Variants in ADCY3 observed in about 807,000 individuals in gnomAD.
ADCY3 encodes the protein adenylate cyclase type 3.
Under a neutral mutation model 119.4 loss-of-function variants are expected in ADCY3, and 70 were observed. That is an observed-to-expected ratio of 0.59 (90% CI 0.48 to 0.72). ADCY3 has a LOEUF of 0.72. Among genes scored for constraint, ADCY3 ranks in the 30% least tolerant of loss-of-function variants. ADCY3 has a pLI of 0.00. For missense variants in ADCY3, 1,238 were observed against 1,541.6 expected (o/e 0.80, Z 3.30); for synonymous variants, 672 against 621.4 (o/e 1.08, Z -1.21).
chr2:24,825,932 G>A (rs1358169792), intron 16 of ADCY3, 113 bp downstream of exon 16: 1 of 997,998 alleles, frequency 1.0e-6, no homozygotes, highest in Admixed American at 2.2e-5. Context: ...TGTGGGGCTG[G>A]GTGAAGGGAA....
chr2:24,853,325 G>A (rs1430102219), intron 3 of ADCY3, among the ~76,000 whole-genome samples: 2 of 152,150 alleles, frequency 1.3e-5, no homozygotes, highest in Non-Finnish European at 2.9e-5. Context: ...GCTGCCGCAG[G>A]GGAAGGTGCA....
At chr2:24,853,006 GTGTGT>G (rs1672531886) in intron 3 of ADCY3, among the ~76,000 whole-genome samples, 1 of 85,446 alleles carries the variant, frequency 1.2e-5, no homozygotes, top group South Asian at 3.7e-4. Context: ...CAGCTGGAGG[GTGTGT>G]GTGTGTGTGT....
Position 24,918,703 on chromosome 2 carries a change from C to A in ADCY3, c.285G>T (p.Met95Ile). 6.2e-7 allele frequency: 1 copy of A among 1,614,108 alleles called. No individual in the cohort carries two copies. ...AALFDCYVVV[M>I]CAVVFSSDKL... ...TGTCGCTGGAGAAGACCACAGCACA[C>A]ATGACCACCACGTAGCAGTCAAAGA... The change falls in exon 2 of 22, where the codon ATG becomes ATT. Residue 95 changes from methionine (M) to isoleucine (I), a missense_variant. Coordinates refer to ENST00000679454, the MANE Select transcript of ADCY3 (RefSeq NM_004036.5). The surrounding 1 kb of genome is among the most constrained non-coding windows in gnomAD (Gnocchi z 5.4).
intron 9 of ADCY3, among the ~76,000 whole-genome samples, 154 bp from the exon 10 acceptor site, chr2:24,835,090 C>G (rs1318396219): frequency 6.6e-6 from 1 of 152,182 alleles, no homozygotes; most frequent in Non-Finnish European, 1.5e-5. Context: ...GGAAGTCTTC[C>G]CCATGCTCCC....
intron 2 of ADCY3, among the ~76,000 whole-genome samples, chr2:24,916,498 A>G (rs55893453): frequency 0.22 from 33,771 of 152,224 alleles, 4,167 homozygotes; most frequent in African/African-American, 0.32. Context: ...CCTGGCCAAC[A>G]TGGTGAAACC....
intron 2 of ADCY3, among the ~76,000 whole-genome samples, chr2:24,884,425 C>A (rs865845400): frequency 2.2e-4 from 33 of 151,942 alleles, no homozygotes; most frequent in African/African-American, 8.0e-4. Flanking sequence ...CTATGCCTAT[C>A]CCCTATTTTT....
At chr2:24,865,691 G>C (rs532540425) in intron 3 of ADCY3, among the ~76,000 whole-genome samples, 2 of 151,964 alleles carry the variant, frequency 1.3e-5, no homozygotes, top group African/African-American at 4.8e-5. Flanking sequence ...ACATGTATAC[G>C]TTTGCTATAG....
At chr2:24,866,576 A>AG (rs1219846000) in intron 3 of ADCY3, among the ~76,000 whole-genome samples, 4 of 150,466 alleles carry the variant, frequency 2.7e-5, no homozygotes, top group Admixed American at 1.3e-4. Context: ...AAAAAAAAAA[A>AG]AAAAAAAAAG....
At position 24,918,827 on chromosome 2, in the gene ADCY3, C is replaced by A. The variant is rs75999515; in HGVS notation, c.161G>T (p.Arg54Leu). ...GSCLCLPRFMRLTFVPESLEN... is the reference protein window; with the variant it reads ...GSCLCLPRFMLLTFVPESLEN... ...CAAGGACTCCGGCACGAAAGTCAGCCGCATGAAGCGAGGCAGGCACAGGCA... is the reference window on the plus strand; with the variant it reads ...CAAGGACTCCGGCACGAAAGTCAGCAGCATGAAGCGAGGCAGGCACAGGCA... Residue 54 changes from arginine (R) to leucine (L), a missense_variant, in exon 2 of 22, where the codon CGG becomes CTG. Coordinates refer to ENST00000679454, the MANE Select transcript of ADCY3 (RefSeq NM_004036.5). This position sits in a 1 kb window ranked among gnomAD's most constrained non-coding sequence, Gnocchi z 5.4. 1 of 1,613,656 alleles carries A rather than the reference C, an allele frequency of 6.2e-7. No homozygotes were observed. Among genetic ancestry groups the A allele is most frequent in the East Asian group, 2.2e-5 (1 of 44,874 alleles).
At chr2:24,858,793 T>C (rs1278518546) in intron 3 of ADCY3, among the ~76,000 whole-genome samples, 1 of 152,234 alleles carries the variant, frequency 6.6e-6, no homozygotes, top group Non-Finnish European at 1.5e-5. Context: ...ACACAGCCCA[T>C]GCATGGGCCG....
In ADCY3 at chr2:24,834,414, C is replaced by T; in HGVS notation, c.1967+71G>A. ...CCAATGTCAGGCTCCCGCTGAGACA[C>T]CTGCCCCCGCCCCCCGCCCGGCACC... On this transcript the variant is annotated intron_variant, in intron 11 of 21. Transcript: ENST00000679454. The surrounding 1 kb of genome is among the most constrained non-coding windows in gnomAD (Gnocchi z 4.2). The T allele has an allele frequency of 1.0e-6, 1 of 1,003,484 alleles. No individual in the cohort carries two copies. Among genetic ancestry groups the T allele is most frequent in the Non-Finnish European group, 1.5e-6 (1 of 689,182 alleles). The allele number at this position is 1,003,484 out of a possible 1,614,324, so 62.2% of individuals were successfully genotyped here.
intron 3 of ADCY3, among the ~76,000 whole-genome samples, chr2:24,862,567 T>TA (rs879673951): frequency 2.0e-5 from 3 of 151,342 alleles, no homozygotes; most frequent in African/African-American, 4.9e-5. Flanking sequence ...ATTAATTAAT[T>TA]AAAAAAAATA....
At chr2:24,830,678 C>T (rs760549958) in intron 13 of ADCY3, 31 bp downstream of exon 13, 14 of 1,554,564 alleles carry the variant, frequency 9.0e-6, no homozygotes, top group Middle Eastern at 1.8e-4. Context: ...AGAACAGGGG[C>T]GTCCCTTCAA....
chr2:24,857,520 C>T (rs1468840908), intron 3 of ADCY3, among the ~76,000 whole-genome samples: 8 of 152,220 alleles, frequency 5.3e-5, no homozygotes, highest in Admixed American at 5.2e-4. Flanking sequence ...GTGGCTAGTG[C>T]TACTGAAAGA....
intron 2 of ADCY3, among the ~76,000 whole-genome samples, chr2:24,904,330 G>A (rs1679234685): frequency 6.6e-6 from 1 of 152,080 alleles, no homozygotes; most frequent in Non-Finnish European, 1.5e-5. Flanking sequence ...AGGAGTTTGA[G>A]GCCAGCCTGA....
intron 3 of ADCY3, among the ~76,000 whole-genome samples, chr2:24,853,005 G>GGT (rs58904311): frequency 0.012 from 1,147 of 95,268 alleles, 14 homozygotes; most frequent in Middle Eastern, 0.022. Flanking sequence ...ACAGCTGGAG[G>GGT]GTGTGTGTGT....
intron 2 of ADCY3, among the ~76,000 whole-genome samples, chr2:24,904,792 C>T (rs1679288294): frequency 6.6e-6 from 1 of 151,786 alleles, no homozygotes; most frequent in Non-Finnish European, 1.5e-5. Flanking sequence ...CAGGCATGCA[C>T]CACCACGTCC....
chr2:24,842,185 G>T lies in ADCY3; in HGVS notation c.956+69C>A. On this transcript the variant is annotated intron_variant, in intron 4 of 21. Transcript: ENST00000679454. The surrounding 1 kb of genome is among the most constrained non-coding windows in gnomAD (Gnocchi z 4.9). ...CCTCTTGAAGCCCACAGCACCTAGC[G>T]GGTCCCACAAAGATGCAGCCCTCCA... 1 of 1,603,654 alleles carries T rather than the reference G, an allele frequency of 6.2e-7. No individual in the cohort carries two copies. Among genetic ancestry groups the T allele is most frequent in the Non-Finnish European group, 8.5e-7 (1 of 1,176,068 alleles).
rs559903221 is a variant in ADCY3, at chr2:24,841,944, C to A, written c.957-277G>T. Among the ~76,000 whole-genome samples the A allele has an allele frequency of 2.0e-5, 3 of 152,336 alleles. No individual in the cohort carries two copies. In the South Asian group the frequency reaches 6.2e-4, roughly 32 times the overall value. Reference sequence around the variant, plus strand: ...TCCTGCCCAGGCTGAACTCATCCTTCTTCCTAGAATCACAGGTCAGGGCTC... The same window carrying A: ...TCCTGCCCAGGCTGAACTCATCCTTATTCCTAGAATCACAGGTCAGGGCTC... On this transcript the variant is annotated intron_variant, in intron 4 of 21. Transcript: ENST00000679454. This position sits in a 1 kb window ranked among gnomAD's most constrained non-coding sequence, Gnocchi z 5.8.
Sources: allele counts gnomAD v4.1 joint callset (sites outside exome capture counted in the v4.1 genomes callset), GRCh38; gene constraint gnomAD v4.1.1; non-coding constraint Gnocchi (gnomAD v3.1); transcripts MANE v1.5; gene names NCBI Gene and HGNC (gene_info 2026-07-23, HGNC 2026-07-21).